Variants in SLC39A11 observed in about 807,000 individuals in gnomAD.
The protein encoded by SLC39A11 is solute carrier family 39 member 11, also known as zinc transporter ZIP11.
Under a neutral mutation model 36.1 loss-of-function variants are expected in SLC39A11, and 33 were observed. That is an observed-to-expected ratio of 0.91 (90% CI 0.69 to 1.22). SLC39A11 has a LOEUF of 1.22. Ranked by LOEUF, SLC39A11 falls within the 50% of genes most tolerant of loss-of-function variation. The pLI, the probability that SLC39A11 is intolerant of heterozygous loss-of-function variation, is 0.00. For missense variants in SLC39A11, 432 were observed against 430.3 expected, an observed-to-expected ratio of 1.00 and a Z score of -0.03; for synonymous variants, 166 against 170.3, an observed-to-expected ratio of 0.97 and a Z score of 0.20.
chr17:73,039,833 G>A (rs2059051786), intron 3 of SLC39A11, among the ~76,000 whole-genome samples: 1 of 152,152 alleles, frequency 6.6e-6, no homozygotes, highest in Non-Finnish European at 1.5e-5. Flanking sequence ...TCACTTAACA[G>A]AAGAAAAGGC....
At chr17:72,668,198 CT>C (rs113627780) in intron 7 of SLC39A11, among the ~76,000 whole-genome samples, 31,610 of 146,260 alleles carry the variant, frequency 0.22, 3,405 homozygotes, top group South Asian at 0.32. Flanking sequence ...GTTTAAGAAT[CT>C]TTTAAAAAAA....
At chr17:72,944,856 CAT>C (rs1363547354) in intron 5 of SLC39A11, among the ~76,000 whole-genome samples, 1 of 152,116 alleles carries the variant, frequency 6.6e-6, no homozygotes, top group Non-Finnish European at 1.5e-5. Flanking sequence ...AGTGCAAAAA[CAT>C]ATGATACAGA....
rs537611939 is a variant in SLC39A11 at position 72,815,386 on chromosome 17, A to T, written c.601+34248T>A. ...TGTAATCCCAGCACTTTGGGAGGCC[A>T]AGGCAGGTGGATCACGAGGTCAGGA... On this transcript the variant is annotated intron_variant, in intron 6 of 9. Transcript: ENST00000255559. Among the ~76,000 whole-genome samples, 4 of 152,278 alleles carry T rather than the reference A, an allele frequency of 2.6e-5. No homozygotes were observed. The East Asian group carries it at 5.8e-4, about 22-fold the overall frequency.
chr17:72,921,354 A>C (rs1438372861), intron 5 of SLC39A11, among the ~76,000 whole-genome samples: 1 of 152,220 alleles, frequency 6.6e-6, no homozygotes, highest in African/African-American at 2.4e-5. Flanking sequence ...GAGGGCAAGG[A>C]AAGTGAATGG....
chr17:72,807,267 G>A (rs916127168), intron 6 of SLC39A11, among the ~76,000 whole-genome samples: 7 of 151,870 alleles, frequency 4.6e-5, no homozygotes, highest in East Asian at 1.9e-4. Context: ...CTTTCATACC[G>A]AAGGCATGCC....
At chr17:72,974,253 C>T (rs1008687388) in intron 4 of SLC39A11, among the ~76,000 whole-genome samples, 10 of 152,092 alleles carry the variant, frequency 6.6e-5, no homozygotes, top group African/African-American at 2.4e-4. Flanking sequence ...GCGCCCGCCA[C>T]CACACTTGGC....
intron 5 of SLC39A11, among the ~76,000 whole-genome samples, chr17:72,864,966 A>G (rs745929878): frequency 2.6e-5 from 4 of 152,206 alleles, no homozygotes; most frequent in Non-Finnish European, 5.9e-5. Context: ...TTAAATTTTG[A>G]CTAGCCATCT....
chr17:73,034,299 T>C (rs1321851271), intron 3 of SLC39A11, among the ~76,000 whole-genome samples: 1 of 152,204 alleles, frequency 6.6e-6, no homozygotes, highest in Non-Finnish European at 1.5e-5. Flanking sequence ...CTCCGTTCAC[T>C]GCAACCTCTG....
At chr17:72,844,410 T>C (rs1355846306) in intron 6 of SLC39A11, among the ~76,000 whole-genome samples, 1 of 152,352 alleles carries the variant, frequency 6.6e-6, no homozygotes, top group African/African-American at 2.4e-5. Flanking sequence ...GGCTCACGCC[T>C]GTAATCCCAG....
intron 6 of SLC39A11, among the ~76,000 whole-genome samples, chr17:72,745,555 T>C (rs1208954678): frequency 6.6e-6 from 1 of 152,176 alleles, no homozygotes; most frequent in Non-Finnish European, 1.5e-5. Context: ...GCTCACAGGC[T>C]AACTGAAAGC....
intron 4 of SLC39A11, among the ~76,000 whole-genome samples, chr17:72,972,999 C>T (rs935178398): frequency 6.6e-6 from 1 of 151,804 alleles, no homozygotes; most frequent in African/African-American, 2.4e-5. Context: ...TTCAACCGAG[C>T]TCCTGGACAG....
chr17:72,726,063 T>A (rs1161141589), intron 7 of SLC39A11, among the ~76,000 whole-genome samples: 1 of 152,196 alleles, frequency 6.6e-6, no homozygotes, highest in African/African-American at 2.4e-5. Flanking sequence ...AGGCTGGGAA[T>A]GCTGAGACCC....
At chr17:72,689,631 T>C (rs1444156769) in intron 7 of SLC39A11, among the ~76,000 whole-genome samples, 1 of 152,208 alleles carries the variant, frequency 6.6e-6, no homozygotes. Flanking sequence ...GAAGTGCTGA[T>C]CTATGCCACA....
chr17:72,687,787 CG>C (rs966052660), intron 7 of SLC39A11, among the ~76,000 whole-genome samples: 3 of 152,202 alleles, frequency 2.0e-5, no homozygotes, highest in Admixed American at 6.5e-5. Flanking sequence ...TGCCAAGACC[CG>C]GCTGGATGCT....
chr17:72,822,365 A>C (rs1415349773), intron 6 of SLC39A11, among the ~76,000 whole-genome samples: 6 of 149,438 alleles, frequency 4.0e-5, no homozygotes, highest in African/African-American at 7.3e-5. Flanking sequence ...AGAGAGAGAG[A>C]GGGAGAGAGA....
At chr17:72,666,038 T>TCTG (rs1292779420) in intron 7 of SLC39A11, among the ~76,000 whole-genome samples, 1 of 152,204 alleles carries the variant, frequency 6.6e-6, no homozygotes, top group Non-Finnish European at 1.5e-5. Flanking sequence ...AGGTCTGATG[T>TCTG]CTGCTCCCAG....
chr17:72,757,824 T>C (rs1037768673), intron 6 of SLC39A11, among the ~76,000 whole-genome samples: 2 of 152,160 alleles, frequency 1.3e-5, no homozygotes, highest in African/African-American at 4.8e-5. Flanking sequence ...GTATCCACCG[T>C]GGTGTCCCCT....
intron 6 of SLC39A11, among the ~76,000 whole-genome samples, chr17:72,842,101 T>TGTGTGTGC (rs1038886075): frequency 6.6e-6 from 1 of 150,938 alleles, no homozygotes; most frequent in East Asian, 1.9e-4. Context: ...TGTGTGTGTG[T>TGTGTGTGC]GCACGCACGC....
chr17:73,086,042 A>C (rs1271337134), intron 2 of SLC39A11, among the ~76,000 whole-genome samples: 2 of 152,234 alleles, frequency 1.3e-5, no homozygotes, highest in Non-Finnish European at 2.9e-5. Context: ...TACTCCATCT[A>C]AATAAAGCAC....
Sources: allele counts gnomAD v4.1 joint callset (sites outside exome capture counted in the v4.1 genomes callset), GRCh38; gene constraint gnomAD v4.1.1; transcripts MANE v1.5; gene names NCBI Gene and HGNC (gene_info 2026-07-23, HGNC 2026-07-21).